ANKRD45: variants seen among roughly 807,000 people sequenced by gnomAD.
The protein encoded by ANKRD45 is ankyrin repeat domain 45.
A neutral mutation model predicts 28.1 loss-of-function variants in ANKRD45; 21 were observed. The ratio of observed to expected loss-of-function variants is 0.75; its 90% confidence interval spans 0.53 to 1.08. The LOEUF is 1.08. Ranked by LOEUF, ANKRD45 falls within the 50% of genes least tolerant of loss-of-function variation. The pLI is 0.00. For missense variants in ANKRD45, 261 were observed against 308.7 expected, an observed-to-expected ratio of 0.85 and a Z score of 1.16; for synonymous variants, 86 against 103.9, an observed-to-expected ratio of 0.83 and a Z score of 1.05.
At chr1:173,666,965 T>C (rs1670051460) in intron 1 of ANKRD45, among the ~76,000 whole-genome samples, 1 of 152,128 alleles carries the variant, frequency 6.6e-6, no homozygotes, top group Non-Finnish European at 1.5e-5. Flanking sequence ...ATGTTGCCCA[T>C]GCTGGTCTCA....
intron 1 of ANKRD45, among the ~76,000 whole-genome samples, chr1:173,662,979 T>C (rs922451304): frequency 6.6e-6 from 1 of 151,996 alleles, no homozygotes; most frequent in Non-Finnish European, 1.5e-5. Context: ...TTAGTTCAAC[T>C]CTTTCATTTT....
intron 2 of ANKRD45, among the ~76,000 whole-genome samples, chr1:173,653,128 G>T (rs1321205424): frequency 6.6e-6 from 1 of 151,856 alleles, no homozygotes; most frequent in Non-Finnish European, 1.5e-5. Flanking sequence ...GTTATTTCTT[G>T]CCTTCTGCTA....
chr1:173,624,254 A>C (rs1035441306), intron 5 of ANKRD45, among the ~76,000 whole-genome samples: 3 of 152,164 alleles, frequency 2.0e-5, no homozygotes, highest in Non-Finnish European at 4.4e-5. Flanking sequence ...ACACTTCAGG[A>C]GGCTGAGGCA....
chr1:173,664,091 A>C (rs560965910), intron 1 of ANKRD45, among the ~76,000 whole-genome samples: 2 of 152,348 alleles, frequency 1.3e-5, no homozygotes, highest in South Asian at 4.1e-4. Context: ...GTGTGTAAAA[A>C]CATGAGTCTT....
the ANKRD45 span, among the ~76,000 whole-genome samples, chr1:173,694,664 A>T: frequency 7.9e-5 from 12 of 151,846 alleles, no homozygotes; most frequent in African/African-American, 2.9e-4. Flanking sequence ...TTGTCACTTG[A>T]ATAGTGTACA....
chr1:173,613,562 G>GCT (rs1411989020), intron 5 of ANKRD45, among the ~76,000 whole-genome samples: 162 of 105,648 alleles, frequency 1.5e-3, no homozygotes, highest in African/African-American at 0.012. Context: ...TGGGGGGTCA[G>GCT]CCCCCCCCCC....
chr1:173,670,912 G>T (rs934233398), upstream of ANKRD45, among the ~76,000 whole-genome samples: 11 of 152,184 alleles, frequency 7.2e-5, no homozygotes, highest in Non-Finnish European at 1.6e-4. Flanking sequence ...CAGCAAAAGA[G>T]ACACTTTTTA....
At chr1:173,703,659 C>T in the ANKRD45 span, among the ~76,000 whole-genome samples, 4 of 152,170 alleles carry the variant, frequency 2.6e-5, no homozygotes, top group African/African-American at 9.7e-5. Context: ...TCCACACAAA[C>T]GTAGGTTTCC....
the ANKRD45 span, among the ~76,000 whole-genome samples, chr1:173,700,378 A>C: frequency 3.3e-5 from 5 of 152,242 alleles, no homozygotes; most frequent in Admixed American, 3.3e-4. Context: ...GTCCTAAGCC[A>C]AAAGAACAAA....
chr1:173,609,862 T>G lies in ANKRD45; in HGVS notation c.*283A>C. 3.1e-6 allele frequency: 1 copy of G among 320,872 alleles called. No individual in the cohort carries two copies. Among genetic ancestry groups the G allele is most frequent in the Non-Finnish European group, 5.6e-6 (1 of 177,126 alleles). The allele number at this position is 320,872 out of a possible 1,614,324, so 19.9% of individuals were successfully genotyped here. A position where few individuals can be genotyped will look rare whatever the true frequency, so the allele number is the denominator to read the frequency against. On this transcript the variant is annotated 3_prime_UTR_variant, in exon 6 of 6. Transcript: ENST00000333279. ...TTACACAGAAAATTATTAGATTCTC[T>G]GAGTAGTTCTTAAAGCCTCCACATG...
At chr1:173,647,922 T>A (rs1351856980) in intron 2 of ANKRD45, among the ~76,000 whole-genome samples, 1 of 152,054 alleles carries the variant, frequency 6.6e-6, no homozygotes, top group Admixed American at 6.5e-5. Flanking sequence ...TAGCTGGGAC[T>A]ATAGGCTCAT....
chr1:173,626,964 G>C, intron 4 of ANKRD45, 101 bp downstream of exon 4: 2 of 735,600 alleles, frequency 2.7e-6, no homozygotes, highest in South Asian at 1.9e-5. Context: ...GAGGGAGGAA[G>C]TAAGGACCAC....
chr1:173,692,153 T>C, the ANKRD45 span, among the ~76,000 whole-genome samples: 14 of 152,108 alleles, frequency 9.2e-5, no homozygotes, highest in African/African-American at 2.9e-4. Flanking sequence ...AGTTTAAAAG[T>C]AGAAAGTTTA....
chr1:173,671,193 C>T (rs1268910688), upstream of ANKRD45, among the ~76,000 whole-genome samples: 11 of 150,874 alleles, frequency 7.3e-5, no homozygotes, highest in Non-Finnish European at 7.4e-5. Context: ...TTTTTTTTCT[C>T]CCTCCCCTCT....
the ANKRD45 span, among the ~76,000 whole-genome samples, chr1:173,691,762 G>A: frequency 6.6e-6 from 1 of 152,286 alleles, no homozygotes; most frequent in East Asian, 1.9e-4. Context: ...ACTCCAGCCT[G>A]GGCGACAGAG....
At chr1:173,661,506 G>C (rs1191457731) in intron 1 of ANKRD45, among the ~76,000 whole-genome samples, 1 of 152,142 alleles carries the variant, frequency 6.6e-6, no homozygotes, top group Non-Finnish European at 1.5e-5. Context: ...GTAGACAACT[G>C]GTAGAGCAAG....
chr1:173,610,443 G>C (rs1475542987), intron 5 of ANKRD45, among the ~76,000 whole-genome samples: 1 of 152,150 alleles, frequency 6.6e-6, no homozygotes, highest in Non-Finnish European at 1.5e-5. Context: ...ATTGTCCCTA[G>C]TTCTGCCATT....
intron 2 of ANKRD45, chr1:173,657,317 A>T (rs1382014459): frequency 3.1e-6 from 1 of 324,316 alleles, no homozygotes; most frequent in Non-Finnish European, 6.3e-6. Flanking sequence ...AAAATACGAA[A>T]ATTAGCCAGG....
intron 2 of ANKRD45, among the ~76,000 whole-genome samples, chr1:173,650,322 T>C (rs1669125344): frequency 6.6e-6 from 1 of 152,214 alleles, no homozygotes. Flanking sequence ...GTTCTCATTG[T>C]TCAATTCCCA....
Sources: allele counts gnomAD v4.1 joint callset (sites outside exome capture counted in the v4.1 genomes callset), GRCh38; gene constraint gnomAD v4.1.1; transcripts MANE v1.5; gene names NCBI Gene and HGNC (gene_info 2026-07-23, HGNC 2026-07-21).